Variants in SLC9A9 observed in about 807,000 individuals in gnomAD.
The protein encoded by SLC9A9 is solute carrier family 9 member A9.
Under a neutral mutation model 77.8 loss-of-function variants are expected in SLC9A9, and 62 were observed. That is an observed-to-expected ratio of 0.80 (90% confidence interval 0.65 to 0.98). The LOEUF (loss-of-function observed/expected upper bound fraction) is 0.98, where lower values mean the gene tolerates loss of function less well. Ranked by LOEUF, SLC9A9 falls within the 50% of genes least tolerant of loss-of-function variation. SLC9A9 has a pLI of 0.00. For missense variants in SLC9A9, 775 were observed against 774.9 expected (o/e 1.00, Z 0.00); for synonymous variants, 320 against 283.5 (o/e 1.13, Z -1.29).
chr3:143,431,103 G>C (rs1258404848), intron 12 of SLC9A9, among the ~76,000 whole-genome samples: 6 of 148,110 alleles, frequency 4.1e-5, no homozygotes, highest in African/African-American at 1.5e-4. Flanking sequence ...CTTTATAAAA[G>C]GCATCAGTCC....
intron 2 of SLC9A9, among the ~76,000 whole-genome samples, chr3:143,826,221 T>C: frequency 6.6e-6 from 1 of 151,012 alleles, no homozygotes; most frequent in Non-Finnish European, 1.5e-5. Flanking sequence ...ATCGTACCAC[T>C]GTACTGCAGC....
chr3:143,532,445 T>C (rs943051251), intron 9 of SLC9A9, among the ~76,000 whole-genome samples: 1 of 152,192 alleles, frequency 6.6e-6, no homozygotes, highest in Non-Finnish European at 1.5e-5. Context: ...AATTATAGTA[T>C]AATCACTTTT....
chr3:143,340,871 A>G (rs530385816), intron 14 of SLC9A9, among the ~76,000 whole-genome samples: 9 of 152,340 alleles, frequency 5.9e-5, no homozygotes, highest in African/African-American at 2.2e-4. Flanking sequence ...TGTGAAAAAG[A>G]GAGATTGGAA....
intron 12 of SLC9A9, among the ~76,000 whole-genome samples, chr3:143,428,913 G>T (rs1371115605): frequency 1.3e-5 from 2 of 152,292 alleles, no homozygotes; most frequent in Non-Finnish European, 2.9e-5. Context: ...GGCTGCAGAG[G>T]GGTGGGGATG....
At chr3:143,359,861 C>T (rs924749400) in intron 14 of SLC9A9, among the ~76,000 whole-genome samples, 14 of 152,130 alleles carry the variant, frequency 9.2e-5, no homozygotes, top group South Asian at 2.1e-4. Flanking sequence ...ATTCAGAAGT[C>T]GGGGATTCCT....
chr3:143,723,938 C>T (rs937800845), intron 4 of SLC9A9, among the ~76,000 whole-genome samples: 9 of 152,122 alleles, frequency 5.9e-5, no homozygotes, highest in Admixed American at 4.6e-4. Context: ...AGACGCTTTG[C>T]CTATTGAAGG....
At chr3:143,276,056 T>C (rs929582769) in intron 14 of SLC9A9, among the ~76,000 whole-genome samples, 1 of 137,600 alleles carries the variant, frequency 7.3e-6, no homozygotes, top group African/African-American at 3.6e-5. Context: ...TTGTCTCTAC[T>C]GACCCTATCC....
chr3:143,637,729 C>T (rs1229841438), intron 6 of SLC9A9, among the ~76,000 whole-genome samples: 1 of 151,940 alleles, frequency 6.6e-6, no homozygotes. Context: ...CTAAAGTTGC[C>T]ATCTTGATGA....
chr3:143,779,779 G>A lies in SLC9A9; in HGVS notation c.533+15222C>T, dbSNP rs559604991. Among the ~76,000 whole-genome samples, 32 of 152,288 alleles carry A rather than the reference G, an allele frequency of 2.1e-4. 1 individual carries two copies. Among genetic ancestry groups the A allele is most frequent in the African/African-American group, 6.7e-4 (28 of 41,556 alleles). On this transcript the variant is annotated intron_variant, in intron 4 of 15. Transcript: ENST00000316549. ...GCTATGTGAAAACACATTGTGAAGA[G>A]GGCAAAGAACTATGAAACTATTATA...
At chr3:143,807,478 T>A (rs2008752318) in intron 2 of SLC9A9, among the ~76,000 whole-genome samples, 1 of 151,886 alleles carries the variant, frequency 6.6e-6, no homozygotes, top group Non-Finnish European at 1.5e-5. Flanking sequence ...ACAAACCATT[T>A]TATTTCATGA....
chr3:143,732,173 A>G (rs759002818), intron 4 of SLC9A9, among the ~76,000 whole-genome samples: 6 of 152,244 alleles, frequency 3.9e-5, no homozygotes, highest in Non-Finnish European at 5.9e-5. Flanking sequence ...CAGAAGGCCC[A>G]GCTCTCACAC....
intron 5 of SLC9A9, among the ~76,000 whole-genome samples, chr3:143,681,398 C>T (rs774715753): frequency 3.7e-4 from 57 of 152,180 alleles, no homozygotes; most frequent in Non-Finnish European, 6.8e-4. Context: ...TATAATGTAT[C>T]GATGTAACAG....
intron 1 of SLC9A9, among the ~76,000 whole-genome samples, chr3:143,843,033 T>A (rs2009744538): frequency 6.6e-6 from 1 of 152,000 alleles, no homozygotes; most frequent in Non-Finnish European, 1.5e-5. Flanking sequence ...TTGCCCAAAA[T>A]AATGCATCTA....
intron 14 of SLC9A9, among the ~76,000 whole-genome samples, chr3:143,297,770 A>G (rs975283777): frequency 6.6e-6 from 1 of 152,214 alleles, no homozygotes; most frequent in Non-Finnish European, 1.5e-5. Flanking sequence ...AAATGAAATT[A>G]ATTTTCTTTT....
At chr3:143,486,507 T>G (rs981261239) in intron 11 of SLC9A9, among the ~76,000 whole-genome samples, 6 of 152,164 alleles carry the variant, frequency 3.9e-5, no homozygotes, top group African/African-American at 1.4e-4. Context: ...ACTAATATTA[T>G]AACTTTGGTT....
intron 6 of SLC9A9, among the ~76,000 whole-genome samples, chr3:143,623,444 C>T (rs1337456347): frequency 1.3e-5 from 2 of 152,148 alleles, no homozygotes. Context: ...CAAACTAGAA[C>T]TCAGGATTAA....
chr3:143,357,521 C>G (rs1322357490), intron 14 of SLC9A9, among the ~76,000 whole-genome samples: 1 of 152,060 alleles, frequency 6.6e-6, no homozygotes, highest in Non-Finnish European at 1.5e-5. Flanking sequence ...GCTGAACCAC[C>G]AAAGAAGCTA....
chr3:143,844,379 A>G (rs1446774548), intron 1 of SLC9A9, among the ~76,000 whole-genome samples: 1 of 152,170 alleles, frequency 6.6e-6, no homozygotes, highest in Non-Finnish European at 1.5e-5. Context: ...TCTAAAGAAC[A>G]TTTGACACAT....
intron 12 of SLC9A9, among the ~76,000 whole-genome samples, chr3:143,391,760 C>T (rs2033571866): frequency 6.6e-6 from 1 of 152,134 alleles, no homozygotes; most frequent in Admixed American, 6.5e-5. Flanking sequence ...CCTTAAATGA[C>T]CTGATGGAGC....
Sources: gnomAD v4.1 joint callset for allele counts (sites outside exome capture counted in the v4.1 genomes callset) on GRCh38, gnomAD v4.1.1 for gene constraint, MANE v1.5 for transcripts, NCBI Gene and HGNC (gene_info 2026-07-23, HGNC 2026-07-21) for gene names.